The following CCDC149 variants were observed in gnomAD, a reference collection of about 807,000 sequenced individuals.
CCDC149 encodes coiled-coil domain containing 149.
Under a neutral mutation model 59.9 loss-of-function variants are expected in CCDC149, and 45 were observed. The observed-to-expected ratio is 0.75, with a 90% CI of 0.59 to 0.96. The LOEUF is 0.96. CCDC149 is among the 40% of genes least tolerant of loss of function. The pLI is 0.00. For missense variants in CCDC149, 584 were observed against 664.7 expected (o/e 0.88, Z 1.33); for synonymous variants, 245 against 260.6 (o/e 0.94, Z 0.58).
intron 1 of CCDC149, among the ~76,000 whole-genome samples, chr4:24,942,180 T>G (rs540631858): frequency 6.6e-6 from 1 of 152,162 alleles, no homozygotes; most frequent in South Asian, 2.1e-4. Flanking sequence ...CAGCAACACA[T>G]CAAAAAGCTT....
intron 1 of CCDC149, among the ~76,000 whole-genome samples, chr4:24,903,262 A>G (rs1721284269): frequency 6.6e-6 from 1 of 152,066 alleles, no homozygotes; most frequent in Non-Finnish European, 1.5e-5. Flanking sequence ...ATAAGGGCAC[A>G]GTTGAGTCTC....
intron 1 of CCDC149, among the ~76,000 whole-genome samples, chr4:24,968,921 C>T (rs562584214): frequency 3.9e-5 from 6 of 152,334 alleles, no homozygotes; most frequent in African/African-American, 1.2e-4. Flanking sequence ...AAAGAGATAA[C>T]TATTTATCAC....
At chr4:24,816,375 A>T (rs1715016182) in intron 12 of CCDC149, among the ~76,000 whole-genome samples, 1 of 152,124 alleles carries the variant, frequency 6.6e-6, no homozygotes, top group Non-Finnish European at 1.5e-5. Context: ...TACAAGTATG[A>T]GCCACCCTTA....
chr4:24,939,506 A>G (rs962925491), intron 1 of CCDC149, among the ~76,000 whole-genome samples: 2 of 152,244 alleles, frequency 1.3e-5, no homozygotes. Context: ...CTCCAAAGGA[A>G]CGCAGCTCCT....
At chr4:24,853,574 C>G (rs1410765140) in intron 3 of CCDC149, among the ~76,000 whole-genome samples, 2 of 104,232 alleles carry the variant, frequency 1.9e-5, no homozygotes, top group Admixed American at 2.6e-4. Flanking sequence ...GGTGACAGAG[C>G]AAGACTCCAT....
intron 12 of CCDC149, among the ~76,000 whole-genome samples, chr4:24,810,440 A>C (rs975413239): frequency 6.6e-6 from 1 of 152,118 alleles, no homozygotes; most frequent in African/African-American, 2.4e-5. Context: ...CCCTGCAAAC[A>C]CTTCCAAGTC....
chr4:24,965,338 G>C (rs1447880191), intron 1 of CCDC149, among the ~76,000 whole-genome samples: 2 of 150,962 alleles, frequency 1.3e-5, no homozygotes, highest in Non-Finnish European at 2.9e-5. Context: ...TCTACTCTCA[G>C]ATGGGAAAAC....
intron 3 of CCDC149, among the ~76,000 whole-genome samples, chr4:24,855,287 A>T (rs800464): frequency 6.6e-6 from 1 of 152,048 alleles, no homozygotes; most frequent in South Asian, 2.1e-4. Context: ...ATCCCTGGCT[A>T]GCTGCCGTGG....
chr4:24,953,092 G>GC (rs1723362363), intron 1 of CCDC149, among the ~76,000 whole-genome samples: 1 of 152,066 alleles, frequency 6.6e-6, no homozygotes, highest in South Asian at 2.1e-4. Context: ...AACAGAACTT[G>GC]CCCCCCTCCA....
chr4:24,906,401 T>TTTTATTTTA lies in CCDC149; in HGVS notation c.63+6407_63+6415dup, dbSNP rs748984036. Reference sequence around the variant, plus strand: ...TTTTATTTTATTTTATTTTATTTTATTTTATTTTACTTTATTTGAGACAGA... The same window carrying TTTTATTTTA: ...TTTTATTTTATTTTATTTTATTTTATTTTATTTTATTTATTTTACTTTATTTGAGACAGA... On this transcript the variant is annotated intron_variant, in intron 1 of 12. Coordinates refer to ENST00000635206, the MANE Select transcript of CCDC149 (RefSeq NM_001330643.2). 8.7e-3 allele frequency among the ~76,000 whole-genome samples: 884 copies of TTTTATTTTA among 101,906 alleles called. 72 individuals carry two copies. The highest frequency in any genetic ancestry group is 0.015 in the Middle Eastern group (3 of 198). The allele number at this position is 101,906 out of a possible 152,430, so 66.9% of individuals were successfully genotyped here.
intron 9 of CCDC149, 89 bp from the exon 10 acceptor site, chr4:24,822,662 G>A (rs1174155281): frequency 2.3e-6 from 2 of 856,366 alleles, no homozygotes. Flanking sequence ...TAGTAGAAAA[G>A]TGTTGAGATT....
At chr4:24,857,220 G>A (rs1357324163) in intron 3 of CCDC149, among the ~76,000 whole-genome samples, 2 of 152,152 alleles carry the variant, frequency 1.3e-5, no homozygotes, top group African/African-American at 4.8e-5. Context: ...GGTAGCTACT[G>A]TATGGGTAAA....
At chr4:24,896,167 G>A (rs938737878) in intron 1 of CCDC149, among the ~76,000 whole-genome samples, 2 of 152,170 alleles carry the variant, frequency 1.3e-5, no homozygotes, top group African/African-American at 4.8e-5. Flanking sequence ...CTGAACTTCT[G>A]AGCATTTCAC....
At chr4:24,938,172 G>T (rs1326212492) in intron 1 of CCDC149, among the ~76,000 whole-genome samples, 7 of 152,142 alleles carry the variant, frequency 4.6e-5, no homozygotes, top group Admixed American at 1.3e-4. Flanking sequence ...CCCTAAGAAT[G>T]AATCTGTGTC....
chr4:24,881,514 A>G (rs190843754), intron 1 of CCDC149, among the ~76,000 whole-genome samples: 2 of 152,382 alleles, frequency 1.3e-5, no homozygotes, highest in East Asian at 3.9e-4. Context: ...CTGGAGAGCC[A>G]TTCGGGTCCA....
At chr4:24,844,950 A>G (rs527414629) in intron 4 of CCDC149, among the ~76,000 whole-genome samples, 13 of 152,156 alleles carry the variant, frequency 8.5e-5, no homozygotes, top group African/African-American at 2.9e-4. Flanking sequence ...TATTGTTGCT[A>G]TCCTTATTTG....
At chr4:24,967,372 TA>T (rs1241991124) in intron 1 of CCDC149, among the ~76,000 whole-genome samples, 3 of 152,118 alleles carry the variant, frequency 2.0e-5, no homozygotes, top group Non-Finnish European at 4.4e-5. Context: ...TGTGGGCAGT[TA>T]GAAAGCCTGA....
intron 3 of CCDC149, among the ~76,000 whole-genome samples, chr4:24,860,273 A>C (rs987970680): frequency 3.9e-5 from 6 of 152,238 alleles, no homozygotes; most frequent in Non-Finnish European, 8.8e-5. Flanking sequence ...AGAATAGAGA[A>C]GCCAGAAATA....
intron 1 of CCDC149, among the ~76,000 whole-genome samples, chr4:24,979,179 G>T (rs1300028500): frequency 2.0e-5 from 3 of 152,192 alleles, no homozygotes; most frequent in Non-Finnish European, 4.4e-5. Flanking sequence ...TACTGTCCCT[G>T]TGTAAGGAAC....
Sources: gnomAD v4.1 joint callset for allele counts (sites outside exome capture counted in the v4.1 genomes callset) on GRCh38, gnomAD v4.1.1 for gene constraint, MANE v1.5 for transcripts, NCBI Gene and HGNC (gene_info 2026-07-23, HGNC 2026-07-21) for gene names.